SPRY3: variants seen among roughly 807,000 people sequenced by gnomAD.
SPRY3 encodes protein sprouty homolog 3.
SPRY3 carries 15 observed loss-of-function variants against 20.2 expected under a neutral mutation model. The ratio of observed to expected loss-of-function variants is 0.74; its 90% confidence interval spans 0.50 to 1.14. The LOEUF (loss-of-function observed/expected upper bound fraction) is 1.14, where lower values mean the gene tolerates loss of function less well. Among genes scored for constraint, SPRY3 ranks in the 50% most tolerant of loss-of-function variants. SPRY3 has a pLI of 0.00. For synonymous variants in SPRY3, 143 were observed against 136.5 expected, an observed-to-expected ratio of 1.05 and a Z score of -0.33; for missense variants, 364 against 363.9, an observed-to-expected ratio of 1.00 and a Z score of 0.00.
At chrX:155,775,158 T>C (rs1364292661) in exon 4 of SPRY3, 4 of 224,850 alleles carry the variant, frequency 1.8e-5, no homozygotes, top group Non-Finnish European at 3.9e-5. Context: ...CACAGGTACA[T>C]GTGGAACAGC....
intron 2 of SPRY3, among the ~76,000 whole-genome samples, chrX:155,698,522 A>G (rs957298109): frequency 8.9e-6 from 1 of 111,929 alleles, no homozygotes; most frequent in African/African-American, 3.2e-5. Context: ...ATCAATTCCC[A>G]GGGAAGAGAA....
At chrX:155,753,156 G>A (rs1273331600) in intron 2 of SPRY3, among the ~76,000 whole-genome samples, 1 of 151,794 alleles carries the variant, frequency 6.6e-6, no homozygotes, top group Non-Finnish European at 1.5e-5. Context: ...ATAGTTTTTA[G>A]TATATTCTCA....
chrX:155,747,219 C>A lies in SPRY3; in HGVS notation c.-281-20743C>A, dbSNP rs6642234. On this transcript the variant is annotated intron_variant, in intron 2 of 3. Coordinates refer to ENST00000675360, the Ensembl canonical transcript of SPRY3. Reference sequence around the variant, plus strand: ...GGGCCCTAGAGCTTAATCTAATTTTCAACTAATTGCAGGATTCATTATTAG... The same window carrying A: ...GGGCCCTAGAGCTTAATCTAATTTTAAACTAATTGCAGGATTCATTATTAG... Among the ~76,000 whole-genome samples the A allele has an allele frequency of 2.0e-4, 31 of 152,002 alleles. No individual in the cohort carries two copies. In the East Asian group the frequency reaches 5.0e-3, roughly 25 times the overall value.
At position 155,686,851 on chromosome X, in the gene SPRY3, A is replaced by G. The variant is rs183209508; in HGVS notation, c.-282+29826A>G. Among the ~76,000 whole-genome samples the G allele has an allele frequency of 1.9e-3, 210 of 112,039 alleles. 1 individual carries two copies. The highest frequency in any genetic ancestry group is 2.9e-3 in the Non-Finnish European group (152 of 53,182). The stretch of plus-strand genomic sequence containing the variant: ...TTCATTGCCAGGCTATATTGCTGCC[A>G]CAATATTATCTGGAGGCTGGGAACA... On this transcript the variant is annotated intron_variant, in intron 2 of 3. Transcript: ENST00000675360.
chrX:155,700,193 G>T (rs1031839434), intron 2 of SPRY3, among the ~76,000 whole-genome samples: 1 of 109,571 alleles, frequency 9.1e-6, no homozygotes, highest in Non-Finnish European at 1.9e-5. Context: ...CACTTGAAAA[G>T]ATGTCAACAT....
chrX:155,729,588 G>A (rs2091120259), intron 2 of SPRY3, among the ~76,000 whole-genome samples: 1 of 151,298 alleles, frequency 6.6e-6, no homozygotes, highest in Admixed American at 6.6e-5. Context: ...GTTTATAGCT[G>A]TAAGTGCCTA....
chrX:155,749,370 G>C lies in SPRY3; in HGVS notation c.-281-18592G>C, dbSNP rs1356180589. Among the ~76,000 whole-genome samples the C allele has an allele frequency of 4.0e-5, 6 of 151,642 alleles. No homozygotes were observed. The East Asian group carries it at 1.2e-3, about 29-fold the overall frequency. On this transcript the variant is annotated intron_variant, in intron 2 of 3. Transcript: ENST00000675360. ...GAGGTAGTGATGGCAGAGTAAGGGAGACAGCAAGTGACAGGGGTGTGTGTA... is the reference window on the plus strand; with the variant it reads ...GAGGTAGTGATGGCAGAGTAAGGGACACAGCAAGTGACAGGGGTGTGTGTA...
At chrX:155,723,697 G>A (rs770081527) in intron 2 of SPRY3, among the ~76,000 whole-genome samples, 29 of 152,190 alleles carry the variant, frequency 1.9e-4, no homozygotes, top group African/African-American at 7.0e-4. Flanking sequence ...TTTGTCAGAT[G>A]GGTAGATGGT....
chrX:155,725,941 C>A (rs1418319601), intron 2 of SPRY3, among the ~76,000 whole-genome samples: 2 of 152,106 alleles, frequency 1.3e-5, no homozygotes, highest in Non-Finnish European at 2.9e-5. Context: ...TTTCTGCTTT[C>A]TTTTGTGGGC....
At chrX:155,775,537 T>C (rs1162406654) in exon 4 of SPRY3, 1 of 167,128 alleles carries the variant, frequency 6.0e-6, no homozygotes, top group African/African-American at 2.4e-5. Flanking sequence ...AACTGATCAC[T>C]AGCAATAGTG....
chrX:155,755,956 A>G (rs1458277278), intron 2 of SPRY3, among the ~76,000 whole-genome samples: 1 of 152,098 alleles, frequency 6.6e-6, no homozygotes, highest in African/African-American at 2.4e-5. Flanking sequence ...AGAAAGTATA[A>G]CAAGAATAAA....
chrX:155,716,993 T>A (rs867285456), intron 2 of SPRY3, among the ~76,000 whole-genome samples: 36,988 of 129,420 alleles, frequency 0.29, 7,910 homozygotes, highest in African/African-American at 0.48. Flanking sequence ...TATATATATA[T>A]ATATATATAT....
At chrX:155,681,612 A>G (rs191547453) in intron 2 of SPRY3, among the ~76,000 whole-genome samples, 76 of 112,459 alleles carry the variant, frequency 6.8e-4, no homozygotes, top group Non-Finnish European at 1.3e-3. Flanking sequence ...TGCAAAGAAA[A>G]GCTCTTGAAA....
Position 155,635,748 on chromosome X carries a change from C to T in SPRY3, c.-440-21119C>T, listed in dbSNP as rs192224325. Among the ~76,000 whole-genome samples the T allele has an allele frequency of 1.3e-3, 149 of 111,977 alleles. 1 individual carries two copies. The Admixed American group carries it at 0.014, about 10-fold the overall frequency. The stretch of plus-strand genomic sequence containing the variant: ...GAGAGGATGTGGAGAAATAGGAACA[C>T]TTTTACACTGTCGGTGGGACTGTAA... On this transcript the variant is annotated intron_variant, in intron 1 of 3. Coordinates refer to ENST00000675360, the Ensembl canonical transcript of SPRY3.
At chrX:155,652,351 A>AT (rs1249836653) in intron 1 of SPRY3, among the ~76,000 whole-genome samples, 24 of 107,661 alleles carry the variant, frequency 2.2e-4, no homozygotes, top group African/African-American at 4.1e-4. Context: ...CTTTCTAACT[A>AT]TTTTTTTTTT....
At chrX:155,687,667 A>G (rs1245984091) in intron 2 of SPRY3, among the ~76,000 whole-genome samples, 2 of 112,143 alleles carry the variant, frequency 1.8e-5, no homozygotes, top group Non-Finnish European at 3.8e-5. Context: ...TTACAATTTC[A>G]TGACTTTAAG....
chrX:155,712,394 C>T (rs1434820694), intron 2 of SPRY3, among the ~76,000 whole-genome samples: 1 of 151,768 alleles, frequency 6.6e-6, no homozygotes, highest in Non-Finnish European at 1.5e-5. Flanking sequence ...TATGTATTTA[C>T]AATCATGTTC....
intron 2 of SPRY3, among the ~76,000 whole-genome samples, chrX:155,698,154 T>C (rs2068125321): frequency 9.0e-6 from 1 of 111,185 alleles, no homozygotes; most frequent in Non-Finnish European, 1.9e-5. Flanking sequence ...GAAATAAAGA[T>C]GGATGAGTAG....
chrX:155,751,321 C>A (rs2091261044), intron 2 of SPRY3, among the ~76,000 whole-genome samples: 1 of 151,864 alleles, frequency 6.6e-6, no homozygotes, highest in Non-Finnish European at 1.5e-5. Context: ...CAATTAGATG[C>A]CAAGAAATTG....
Sources: allele counts gnomAD v4.1 joint callset (sites outside exome capture counted in the v4.1 genomes callset), GRCh38; gene constraint gnomAD v4.1.1; transcripts MANE v1.5; gene names NCBI Gene and HGNC (gene_info 2026-07-23, HGNC 2026-07-21).